The following TDRD5 variants were observed in gnomAD, a reference collection of about 807,000 sequenced individuals.
TDRD5 encodes tudor domain-containing protein 5.
In TDRD5, 41 loss-of-function variants were observed where a neutral mutation model predicts 120.6. The observed-to-expected ratio is 0.34, with a 90% CI of 0.26 to 0.44. The LOEUF is 0.44. TDRD5 is among the 20% of genes least tolerant of loss of function. TDRD5 has a pLI of 1.00. For synonymous variants in TDRD5, 430 were observed against 433.7 expected (o/e 0.99, Z 0.11); for missense variants, 1,006 against 1,221.2 (o/e 0.82, Z 2.63).
rs570191387 is a variant in TDRD5, at chr1:179,685,084, G to A, written c.2861-5612G>A. 4.2e-4 allele frequency among the ~76,000 whole-genome samples: 64 copies of A among 152,194 alleles called. 1 individual carries two copies. The highest frequency in any genetic ancestry group is 1.3e-3 in the African/African-American group (56 of 41,552). ...TTTGTCAATTTTGGCTTTTGTTGCCGTTGCTTTGGTGTTTTAGACATGAAG... is the reference window on the plus strand; with the variant it reads ...TTTGTCAATTTTGGCTTTTGTTGCCATTGCTTTGGTGTTTTAGACATGAAG... On this transcript the variant is annotated intron_variant, in intron 17 of 17. Transcript: ENST00000444136.
chr1:179,658,808 G>T (rs892134647), intron 14 of TDRD5, among the ~76,000 whole-genome samples: 13 of 151,936 alleles, frequency 8.6e-5, no homozygotes, highest in Non-Finnish European at 1.8e-4. Flanking sequence ...TTTTCTTTGG[G>T]TTTATTTTTG....
intron 4 of TDRD5, among the ~76,000 whole-genome samples, chr1:179,604,276 GGTTT>G (rs1675861993): frequency 6.6e-6 from 1 of 151,004 alleles, no homozygotes; most frequent in South Asian, 2.1e-4. Flanking sequence ...TTCTCTTCTT[GGTTT>G]ATTTTTCTAA....
intron 4 of TDRD5, among the ~76,000 whole-genome samples, chr1:179,597,755 C>T (rs533535480): frequency 1.3e-5 from 2 of 152,228 alleles, no homozygotes; most frequent in South Asian, 4.1e-4. Flanking sequence ...CATTTCAAGC[C>T]AGATTTGCCT....
At chr1:179,663,616 G>C in intron 16 of TDRD5, 125 bp downstream of exon 16, 1 of 1,300,130 alleles carries the variant, frequency 7.7e-7, no homozygotes, top group Non-Finnish European at 1.0e-6. Flanking sequence ...TGCTGTAGCT[G>C]TTACTGTTGA....
intron 13 of TDRD5, among the ~76,000 whole-genome samples, chr1:179,653,902 G>C (rs768499110): frequency 6.6e-6 from 1 of 152,174 alleles, no homozygotes; most frequent in Non-Finnish European, 1.5e-5. Flanking sequence ...GTACTTGGAA[G>C]ACTGATTCTA....
At chr1:179,665,631 C>G (rs1679520061) in intron 16 of TDRD5, among the ~76,000 whole-genome samples, 1 of 152,100 alleles carries the variant, frequency 6.6e-6, no homozygotes. Flanking sequence ...CTTGATTACT[C>G]TAGCTATTTA....
At chr1:179,665,591 G>A in intron 16 of TDRD5, among the ~76,000 whole-genome samples, 1 of 152,132 alleles carries the variant, frequency 6.6e-6, no homozygotes, top group East Asian at 1.9e-4. Context: ...TATTCTCTAT[G>A]TGTCTGTTCC....
chr1:179,691,131 A>C lies in TDRD5; in HGVS notation c.*188A>C. The C allele has an allele frequency of 1.5e-6, 1 of 648,802 alleles. No individual in the cohort carries two copies. The allele number at this position is 648,802 out of a possible 1,614,324, so 40.2% of individuals were successfully genotyped here. ...GATGTGTAAGTAAGTATTGATATTT[A>C]CTGTTAATCTTGATTTTTCTTGATT... On this transcript the variant is annotated 3_prime_UTR_variant, in exon 18 of 18. Transcript: ENST00000444136.
At chr1:179,671,487 G>A (rs1679851398) in intron 17 of TDRD5, among the ~76,000 whole-genome samples, 1 of 152,042 alleles carries the variant, frequency 6.6e-6, no homozygotes, top group Admixed American at 6.6e-5. Flanking sequence ...TTGCAACAAA[G>A]TTTTCATTAG....
intron 15 of TDRD5, 75 bp downstream of exon 15, chr1:179,662,361 G>T: frequency 6.7e-7 from 1 of 1,497,142 alleles, no homozygotes; most frequent in Non-Finnish European, 8.9e-7. Flanking sequence ...AGCAGTTTGG[G>T]AGGCCAAGGT....
intron 14 of TDRD5, among the ~76,000 whole-genome samples, chr1:179,656,670 A>T (rs142319776): frequency 2.0e-5 from 3 of 152,218 alleles, no homozygotes; most frequent in African/African-American, 7.2e-5. Flanking sequence ...TCTAGACTCT[A>T]TATTCTTCTC....
At chr1:179,613,097 T>C (rs1676372412) in intron 4 of TDRD5, among the ~76,000 whole-genome samples, 1 of 152,222 alleles carries the variant, frequency 6.6e-6, no homozygotes, top group Non-Finnish European at 1.5e-5. Context: ...CAGGGTGGTC[T>C]TAGTTTGCAC....
rs1243618297 is a variant in TDRD5, at chr1:179,638,470, T to C, written c.1521-1369T>C. On this transcript the variant is annotated intron_variant, in intron 9 of 17. Coordinates refer to ENST00000444136, the MANE Select transcript of TDRD5 (RefSeq NM_001199085.3). ...GGCAATGTTGACTAGATGGTATGAG[T>C]TAGGATTAGGTTTAGCCACTGTTAG... is the stretch of plus-strand genomic sequence containing the variant. Among the ~76,000 whole-genome samples the C allele has an allele frequency of 2.3e-5, 3 of 128,004 alleles. 1 individual carries two copies. The highest frequency in any genetic ancestry group is 5.2e-5 in the Non-Finnish European group (3 of 57,792). The allele number at this position is 128,004 out of a possible 152,430, so 84.0% of individuals were successfully genotyped here. A position where few individuals can be genotyped will look rare whatever the true frequency, so the allele number is the denominator to read the frequency against.
chr1:179,633,357 CTT>C (rs577434818), intron 7 of TDRD5, among the ~76,000 whole-genome samples: 2 of 145,134 alleles, frequency 1.4e-5, no homozygotes, highest in African/African-American at 2.5e-5. Flanking sequence ...TGTCTGGAAT[CTT>C]TTTTTTTTTT....
In TDRD5 at chr1:179,636,022, T is replaced by A. The variant is rs1677749621; in HGVS notation, c.1520+135T>A. 5.4e-6 allele frequency: 3 copies of A among 558,220 alleles called. No homozygotes were observed. In the South Asian group the frequency reaches 1.9e-4, roughly 35 times the overall value. 34.6% of individuals were successfully genotyped at this position (558,220 alleles called of 1,614,324 possible). A position where few individuals can be genotyped will look rare whatever the true frequency, so the allele number is the denominator to read the frequency against. On this transcript the variant is annotated intron_variant, in intron 9 of 17. Transcript: ENST00000444136. ...TTTATCAGTATTTATTGTATAGAAA[T>A]TAAAACTGTAAAATTTTAATATTAA...
At chr1:179,689,661 C>T (rs78068503) in intron 17 of TDRD5, among the ~76,000 whole-genome samples, 1 of 152,114 alleles carries the variant, frequency 6.6e-6, no homozygotes. Context: ...GTGGAGTCTA[C>T]AGAGGCAGGC....
intron 17 of TDRD5, among the ~76,000 whole-genome samples, chr1:179,687,463 C>T (rs545529494): frequency 1.3e-5 from 2 of 152,114 alleles, no homozygotes; most frequent in Non-Finnish European, 2.9e-5. Context: ...TTACTTCCAA[C>T]TGTGTGATCA....
intron 14 of TDRD5, among the ~76,000 whole-genome samples, chr1:179,656,520 A>G (rs921772265): frequency 6.6e-6 from 1 of 152,166 alleles, no homozygotes; most frequent in Admixed American, 6.5e-5. Flanking sequence ...TAAGGCATGA[A>G]ATTTAGGTTA....
chr1:179,607,963 G>C (rs576761017), intron 4 of TDRD5, among the ~76,000 whole-genome samples: 22 of 151,916 alleles, frequency 1.4e-4, no homozygotes, highest in Non-Finnish European at 2.9e-4. Context: ...TATCCTGTAA[G>C]ATAAATCTGC....
Sources: allele counts gnomAD v4.1 joint callset (sites outside exome capture counted in the v4.1 genomes callset), GRCh38; gene constraint gnomAD v4.1.1; transcripts MANE v1.5; gene names NCBI Gene and HGNC (gene_info 2026-07-23, HGNC 2026-07-21).